The following LARP1 variants were observed in gnomAD, a reference collection of about 807,000 sequenced individuals.
LARP1 encodes la-related protein 1.
A neutral mutation model predicts 122.7 loss-of-function variants in LARP1; 36 were observed. The ratio of observed to expected loss-of-function variants is 0.29; its 90% CI spans 0.22 to 0.39. The LOEUF is 0.39. Among genes scored for constraint, LARP1 ranks in the 10% least tolerant of loss-of-function variants. The pLI is 1.00. For missense variants in LARP1, 1,040 were observed against 1,403.6 expected, an observed-to-expected ratio of 0.74 and a Z score of 4.14; for synonymous variants, 539 against 528.7, an observed-to-expected ratio of 1.02 and a Z score of -0.27.
At chr5:154,739,323 A>G (rs909988370) in intron 1 of LARP1, among the ~76,000 whole-genome samples, 4 of 151,888 alleles carry the variant, frequency 2.6e-5, no homozygotes, top group African/African-American at 9.7e-5. Context: ...CCCGGCCCTA[A>G]AAGAAGATTC....
chr5:154,802,449 T>A lies in LARP1; in HGVS notation c.2109+50T>A. On this transcript the variant is annotated intron_variant, in intron 11 of 18. Transcript: ENST00000518297. The surrounding 1 kb of genome is among the most constrained non-coding windows in gnomAD (Gnocchi z 5.1). ...TGTGGAGCCTGGTGTGCCTGTATTGTACGGAGAAGAGGAAGCCTGATTAGC... is the reference window on the plus strand; with the variant it reads ...TGTGGAGCCTGGTGTGCCTGTATTGAACGGAGAAGAGGAAGCCTGATTAGC... The A allele has an allele frequency of 6.6e-7, 1 of 1,518,204 alleles. No individual in the cohort carries two copies. The highest frequency in any genetic ancestry group is 8.8e-7 in the Non-Finnish European group (1 of 1,136,096). 94.0% of individuals were successfully genotyped at this position (1,518,204 alleles called of 1,614,324 possible).
chr5:154,687,168 A>G (rs1753976524), intron 1 of LARP1, among the ~76,000 whole-genome samples: 1 of 152,190 alleles, frequency 6.6e-6, no homozygotes, highest in African/African-American at 2.4e-5. Flanking sequence ...AGCCTTGAAT[A>G]TTTTCAAATA....
At chr5:154,708,533 A>T (rs1755056826), upstream of LARP1, among the ~76,000 whole-genome samples, 1 of 152,184 alleles carries the variant, frequency 6.6e-6, no homozygotes, top group African/African-American at 2.4e-5. Context: ...TTCCTCACAG[A>T]GCTGCACAAA....
At chr5:154,707,981 C>T (rs532379824), upstream of LARP1, among the ~76,000 whole-genome samples, 6 of 152,250 alleles carry the variant, frequency 3.9e-5, no homozygotes, top group East Asian at 3.9e-4. Context: ...TTAAGGCCAC[C>T]GTCATTTGCC....
At chr5:154,685,843 T>C (rs1474274822) in intron 1 of LARP1, 4 of 512,688 alleles carry the variant, frequency 7.8e-6, no homozygotes, top group Non-Finnish European at 1.5e-5. Context: ...GACGGGGTCT[T>C]GCTCTGTTGC....
At chr5:154,687,607 T>G (rs558372255) in intron 1 of LARP1, among the ~76,000 whole-genome samples, 8 of 152,266 alleles carry the variant, frequency 5.3e-5, no homozygotes, top group Admixed American at 5.2e-4. Flanking sequence ...GATCTCAATC[T>G]CCTGAACTCG....
chr5:154,737,321 G>A (rs1011099009), intron 1 of LARP1, among the ~76,000 whole-genome samples: 3 of 151,970 alleles, frequency 2.0e-5, no homozygotes, highest in African/African-American at 7.3e-5. Flanking sequence ...GATTACAGGT[G>A]TGAGCCACCG....
intron 1 of LARP1, among the ~76,000 whole-genome samples, chr5:154,697,890 A>G (rs1754537918): frequency 6.6e-6 from 1 of 152,194 alleles, no homozygotes; most frequent in Admixed American, 6.5e-5. Context: ...CAGTGGTGCC[A>G]TCATGGCTCA....
At chr5:154,805,731 T>G in intron 14 of LARP1, 150 bp from the exon 15 acceptor site, 1 of 739,818 alleles carries the variant, frequency 1.4e-6, no homozygotes. Context: ...GACCCATGGA[T>G]ATAAGTTAAA....
chr5:154,797,007 G>A lies in LARP1; in HGVS notation c.1377+1688G>A, dbSNP rs553023595. ...ATTGGATCAAATTGTCCCACCTTTG[G>A]TCAGTGGGACCCTATACATTTCCTG... On this transcript the variant is annotated intron_variant, in intron 8 of 18. Coordinates refer to ENST00000518297, the MANE Select transcript of LARP1 (RefSeq NM_033551.3). Among the ~76,000 whole-genome samples the A allele has an allele frequency of 2.6e-5, 4 of 152,166 alleles. No homozygotes were observed. The South Asian group carries it at 8.3e-4, about 32-fold the overall frequency.
intron 1 of LARP1, chr5:154,756,460 G>A: frequency 5.1e-6 from 5 of 986,166 alleles, no homozygotes; most frequent in South Asian, 4.6e-5. Flanking sequence ...TGTGGTTCGG[G>A]CCTACCTCGT....
intron 18 of LARP1, 120 bp downstream of exon 18, chr5:154,811,760 C>T (rs1759297250): frequency 1.6e-6 from 2 of 1,224,734 alleles, no homozygotes; most frequent in Non-Finnish European, 2.3e-6. Context: ...CCCTGCTCCC[C>T]ACAATTTGGG....
intron 1 of LARP1, among the ~76,000 whole-genome samples, chr5:154,785,423 G>A (rs149120351): frequency 0.01 from 1,543 of 152,302 alleles, 11 homozygotes; most frequent in Non-Finnish European, 0.017. Flanking sequence ...GCGATTGCTT[G>A]GAAATAGTAA....
chr5:154,814,255 A>C lies in LARP1; in HGVS notation c.*159A>C. The C allele has an allele frequency of 1.5e-6, 1 of 687,832 alleles. No individual in the cohort carries two copies. Among genetic ancestry groups the C allele is most frequent in the Non-Finnish European group, 2.4e-6 (1 of 408,718 alleles). The allele number at this position is 687,832 out of a possible 1,614,324, so 42.6% of individuals were successfully genotyped here. A position where few individuals can be genotyped will look rare whatever the true frequency, so the allele number is the denominator to read the frequency against. ...TAGCAATGTATACACCATTTGGGCT[A>C]TCAGAGGTACCCCTGGGCAGGAGCC... is the stretch of plus-strand genomic sequence containing the variant. On this transcript the variant is annotated 3_prime_UTR_variant, in exon 19 of 19. Coordinates refer to ENST00000518297, the MANE Select transcript of LARP1 (RefSeq NM_033551.3).
chr5:154,772,648 AAAG>A (rs1434183281), intron 1 of LARP1, among the ~76,000 whole-genome samples: 1 of 152,222 alleles, frequency 6.6e-6, no homozygotes, highest in East Asian at 1.9e-4. Context: ...TATTGTAATA[AAAG>A]TTATGTGAAT....
At chr5:154,757,331 G>T (rs116794050) in intron 1 of LARP1, 5,249 of 152,100 alleles carry the variant, frequency 0.035, 121 homozygotes, top group East Asian at 0.072. Context: ...GTGTCAGCGT[G>T]GGGGGAGAGG....
intron 1 of LARP1, among the ~76,000 whole-genome samples, chr5:154,737,037 T>C (rs1201101573): frequency 6.6e-6 from 1 of 152,050 alleles, no homozygotes; most frequent in African/African-American, 2.4e-5. Context: ...GGTGAATAAA[T>C]GTGTTGTTTT....
At chr5:154,721,703 C>T (rs887438655) in intron 1 of LARP1, among the ~76,000 whole-genome samples, 17 of 152,140 alleles carry the variant, frequency 1.1e-4, no homozygotes, top group Admixed American at 4.6e-4. Context: ...TTTCTCATCT[C>T]AAGTTTCTCA....
intron 1 of LARP1, among the ~76,000 whole-genome samples, chr5:154,765,085 A>G (rs1261033194): frequency 6.6e-6 from 1 of 152,078 alleles, no homozygotes; most frequent in Non-Finnish European, 1.5e-5. Flanking sequence ...TTAGCAGAGT[A>G]AAATTCAGAG....
Sources: gnomAD v4.1 joint callset for allele counts (sites outside exome capture counted in the v4.1 genomes callset) on GRCh38, gnomAD v4.1.1 for gene constraint, Gnocchi (gnomAD v3.1) non-coding constraint, MANE v1.5 for transcripts, NCBI Gene and HGNC (gene_info 2026-07-23, HGNC 2026-07-21) for gene names.